ABCA8: variants seen among roughly 807,000 people sequenced by gnomAD.
ABCA8 encodes the protein ATP binding cassette subfamily A member 8, also known as ABC-type organic anion transporter ABCA8.
A neutral mutation model predicts 192.3 loss-of-function variants in ABCA8; 177 were observed. That is an observed-to-expected ratio of 0.92 (90% CI 0.81 to 1.04). The LOEUF (loss-of-function observed/expected upper bound fraction) is 1.04, where lower values mean the gene tolerates loss of function less well. Ranked by LOEUF, ABCA8 falls within the 50% of genes least tolerant of loss-of-function variation. The probability of loss-of-function intolerance (pLI) is 0.00; values close to 1 mark genes in which losing one functional copy is unlikely to be tolerated. For synonymous variants in ABCA8, 642 were observed against 690.2 expected, an observed-to-expected ratio of 0.93 and a Z score of 1.09; for missense variants, 1,915 against 1,904.8, an observed-to-expected ratio of 1.01 and a Z score of -0.10.
chr17:68,940,749 A>C lies in ABCA8; in HGVS notation c.301+9T>G. Reference sequence around the variant, plus strand: ...CCAGACATTCTTCTTAAGTAACTAGAAAACTTACCTGCCAGGAAGGGAGTA... The same window carrying C: ...CCAGACATTCTTCTTAAGTAACTAGCAAACTTACCTGCCAGGAAGGGAGTA... On this transcript the variant is annotated intron_variant, in intron 4 of 39. Transcript: ENST00000586539. The C allele has an allele frequency of 6.2e-7, 1 of 1,608,958 alleles. No homozygotes were observed. Among genetic ancestry groups the C allele is most frequent in the Non-Finnish European group, 8.5e-7 (1 of 1,175,628 alleles).
intron 2 of ABCA8, among the ~76,000 whole-genome samples, chr17:68,948,202 A>G (rs1464945573): frequency 2.0e-5 from 3 of 152,164 alleles, no homozygotes; most frequent in African/African-American, 4.8e-5. Context: ...GCTGCAATAA[A>G]CATTATGTGT....
intron 17 of ABCA8, among the ~76,000 whole-genome samples, chr17:68,913,561 G>C (rs1479902180): frequency 6.6e-6 from 1 of 151,858 alleles, no homozygotes; most frequent in Non-Finnish European, 1.5e-5. Context: ...AATAACAACT[G>C]ATACTGCAGA....
At position 68,919,461 on chromosome 17, in the gene ABCA8, T is replaced by C. The variant is rs2067478664; in HGVS notation, c.1628A>G (p.Tyr543Cys). The change falls in exon 14 of 40, where the codon TAT becomes TGT. Residue 543 changes from tyrosine (Y) to cysteine (C), a missense_variant. By Grantham distance (194) the Tyr-to-Cys change is radical. Transcript: ENST00000586539. ...AGCCATTTCTGAAAGCTTATTGTTATAGATGGTGACTGAACCTGTAACAAA... is the reference window on the plus strand; with the variant it reads ...AGCCATTTCTGAAAGCTTATTGTTACAGATGGTGACTGAACCTGTAACAAA... ...SVPTKGSVTIYNNKLSEMADL... is the reference protein window; with the variant it reads ...SVPTKGSVTICNNKLSEMADL... 1.2e-5 allele frequency: 19 copies of C among 1,613,724 alleles called. No individual in the cohort carries two copies. Among genetic ancestry groups the C allele is most frequent in the Non-Finnish European group, 1.2e-5 (14 of 1,179,822 alleles).
intron 2 of ABCA8, chr17:68,944,470 AC>A (rs1198808475): frequency 6.6e-6 from 1 of 150,604 alleles, no homozygotes; most frequent in East Asian, 2.0e-4. Context: ...AAATCTAGAA[AC>A]CTTGGTAGAA....
chr17:68,916,771 G>C (rs1411082856), intron 17 of ABCA8, among the ~76,000 whole-genome samples: 3 of 152,158 alleles, frequency 2.0e-5, no homozygotes, highest in African/African-American at 7.2e-5. Context: ...AAATACAAGT[G>C]TGTCAGTTGA....
intron 2 of ABCA8, among the ~76,000 whole-genome samples, chr17:68,944,276 C>T (rs2068317656): frequency 7.6e-6 from 1 of 132,230 alleles, no homozygotes; most frequent in Admixed American, 8.2e-5. Flanking sequence ...ATCTATGTAA[C>T]AAACCTGCAT....
intron 18 of ABCA8, 44 bp downstream of exon 18, chr17:68,907,696 A>T: frequency 6.8e-7 from 1 of 1,470,058 alleles, no homozygotes; most frequent in Non-Finnish European, 9.1e-7. Flanking sequence ...GATGATGATG[A>T]CTATTATTCA....
chr17:68,929,676 C>T lies in ABCA8; in HGVS notation c.824G>A (p.Gly275Asp). 1 of 1,613,316 alleles carries T rather than the reference C, an allele frequency of 6.2e-7. No homozygotes were observed. The highest frequency in any genetic ancestry group is 2.2e-5 in the East Asian group (1 of 44,826). The change falls in exon 8 of 40, where the codon GGT becomes GAT. Residue 275 changes from glycine (G) to aspartate (D), a missense_variant. Transcript: ENST00000586539. ...GAAAAGGGCCATAATGAAGATGAAA[C>T]CAGCATAGAGCAAACCCCAGGAGAG... is the stretch of plus-strand genomic sequence containing the variant. ...FWLSWGLLYA[G>D]FIFIMALFLA... is the part of the protein sequence containing the mutation.
rs75002525 is a variant in ABCA8 at position 68,940,699 on chromosome 17, C to T, written c.301+59G>A. 5.1e-4 allele frequency: 735 copies of T among 1,430,718 alleles called. 3 individuals are homozygous for T. Among genetic ancestry groups the T allele is most frequent in the Middle Eastern group, 3.9e-3 (22 of 5,608 alleles). 88.6% of individuals were successfully genotyped at this position (1,430,718 alleles called of 1,614,324 possible). On this transcript the variant is annotated intron_variant, in intron 4 of 39. Coordinates refer to ENST00000586539, the MANE Select transcript of ABCA8 (RefSeq NM_001288985.2). ...AATACAAATTAAATGTATAAATCTG[C>T]GGTCAAATAAACCAAATATTCACAC...
intron 1 of ABCA8, among the ~76,000 whole-genome samples, chr17:68,954,021 G>A (rs2068643301): frequency 7.7e-6 from 1 of 129,280 alleles, no homozygotes; most frequent in South Asian, 2.5e-4. Flanking sequence ...TGTACAGGAG[G>A]AATTTCTTTT....
intron 2 of ABCA8, among the ~76,000 whole-genome samples, chr17:68,946,961 G>C (rs2068428614): frequency 6.6e-6 from 1 of 151,966 alleles, no homozygotes; most frequent in Non-Finnish European, 1.5e-5. Context: ...GAGAGAGAGA[G>C]AGAGAGACAG....
At chr17:68,927,765 T>C (rs530875009) in intron 10 of ABCA8, 151 bp downstream of exon 10, 39 of 540,910 alleles carry the variant, frequency 7.2e-5, no homozygotes, top group Admixed American at 4.7e-4. Context: ...AATGAAGAAA[T>C]AATTTGGCCA....
Position 68,876,570 on chromosome 17 carries a change from C to T in ABCA8, c.4276-16G>A, listed in dbSNP as rs776802183. On this transcript the variant is annotated splice_polypyrimidine_tract_variant and intron_variant, in intron 34 of 39. Coordinates refer to ENST00000586539, the MANE Select transcript of ABCA8 (RefSeq NM_001288985.2). ...CAAAGCACAGCTGCAACGGGAGGAA[C>T]AGCCCATCTGGTTCCCATCTATGGC... The T allele has an allele frequency of 1.9e-6, 3 of 1,614,020 alleles. No homozygotes were observed. Among genetic ancestry groups the T allele is most frequent in the African/African-American group, 2.7e-5 (2 of 74,914 alleles).
chr17:68,876,004 GT>G (rs1253934288), intron 35 of ABCA8, among the ~76,000 whole-genome samples: 7 of 152,300 alleles, frequency 4.6e-5, no homozygotes, highest in African/African-American at 1.7e-4. Flanking sequence ...AGAGAGGCTT[GT>G]TTGTGAGAAG....
At chr17:68,914,683 G>A (rs2067311187) in intron 17 of ABCA8, among the ~76,000 whole-genome samples, 1 of 152,038 alleles carries the variant, frequency 6.6e-6, no homozygotes, top group African/African-American at 2.4e-5. Context: ...CTCATGGGTT[G>A]GAAGAATCAA....
chr17:68,951,412 T>C (rs553521964), intron 1 of ABCA8, among the ~76,000 whole-genome samples: 61 of 152,372 alleles, frequency 4.0e-4, no homozygotes, highest in Admixed American at 3.7e-3. Context: ...TATTTGAAAG[T>C]GTTCCACGTG....
At chr17:68,876,378 G>T (rs1436329656) in intron 35 of ABCA8, 82 bp downstream of exon 35, 18 of 1,562,804 alleles carry the variant, frequency 1.2e-5, no homozygotes, top group Non-Finnish European at 1.6e-5. Flanking sequence ...GAGTTTAAGG[G>T]ACAATTTTTA....
chr17:68,953,464 G>T (rs974465978), intron 1 of ABCA8, among the ~76,000 whole-genome samples: 2 of 152,146 alleles, frequency 1.3e-5, no homozygotes, highest in Non-Finnish European at 2.9e-5. Context: ...TCTCAAGTAA[G>T]GTGTCCAGGG....
intron 24 of ABCA8, among the ~76,000 whole-genome samples, chr17:68,890,496 C>A (rs1261109571): frequency 6.6e-6 from 1 of 151,888 alleles, no homozygotes; most frequent in Non-Finnish European, 1.5e-5. Context: ...TGTGGCTTGC[C>A]TTTTATTTTA....
Sources: gnomAD v4.1 joint callset for allele counts (sites outside exome capture counted in the v4.1 genomes callset) on GRCh38, gnomAD v4.1.1 for gene constraint, MANE v1.5 for transcripts, NCBI Gene and HGNC (gene_info 2026-07-23, HGNC 2026-07-21) for gene names.